The following FOXP1 variants were observed in gnomAD, a reference collection of about 807,000 sequenced individuals.
FOXP1 encodes forkhead box P1.
FOXP1 carries 15 observed loss-of-function variants against 98.2 expected under a neutral mutation model. That is an observed-to-expected ratio of 0.15 (90% CI 0.10 to 0.24). FOXP1 has a LOEUF of 0.24. FOXP1 is among the 10% of genes least tolerant of loss of function. The probability of loss-of-function intolerance (pLI) is 1.00; values close to 1 mark genes in which losing one functional copy is unlikely to be tolerated. For synonymous variants in FOXP1, 371 were observed against 314.5 expected (o/e 1.18, Z -1.90); for missense variants, 633 against 848.5 (o/e 0.75, Z 3.15).
In FOXP1 at chr3:71,213,715, C is replaced by T. The variant is rs1284344836; in HGVS notation, c.-11-15323G>A. 3.3e-5 allele frequency among the ~76,000 whole-genome samples: 5 copies of T among 151,994 alleles called. No individual in the cohort carries two copies. The East Asian group carries it at 5.8e-4, about 18-fold the overall frequency. The stretch of plus-strand genomic sequence containing the variant: ...CCTGTAGTCCCAGCTACTCGGGAGG[C>T]GGAGGCAGGTGAATCGCTTGAACCC... On this transcript the variant is annotated intron_variant, in intron 5 of 20. Transcript: ENST00000649528.
At chr3:71,137,309 C>A (rs1280570442) in intron 6 of FOXP1, among the ~76,000 whole-genome samples, 1 of 152,196 alleles carries the variant, frequency 6.6e-6, no homozygotes, top group Non-Finnish European at 1.5e-5. Context: ...TTCAGCACAT[C>A]CTTGCCAGCC....
At chr3:71,251,550 C>T (rs893190186) in intron 5 of FOXP1, among the ~76,000 whole-genome samples, 6 of 152,086 alleles carry the variant, frequency 3.9e-5, no homozygotes, top group African/African-American at 1.4e-4. Context: ...CATTTGGAAG[C>T]GGGGGTGGTG....
intron 3 of FOXP1, among the ~76,000 whole-genome samples, chr3:71,428,624 A>G (rs902552242): frequency 1.3e-5 from 2 of 152,226 alleles, no homozygotes; most frequent in Non-Finnish European, 2.9e-5. Flanking sequence ...TGTTCTAAAG[A>G]GGCCCCCCTA....
chr3:71,496,646 T>G, intron 2 of FOXP1, among the ~76,000 whole-genome samples: 1 of 151,736 alleles, frequency 6.6e-6, no homozygotes, highest in African/African-American at 2.4e-5. Context: ...ATGGTGAAAA[T>G]CCCTCTCTAC....
rs887642110 is a variant in FOXP1, at chr3:71,345,999, C to T, written c.-73+13151G>A. Among the ~76,000 whole-genome samples the T allele has an allele frequency of 1.1e-4, 17 of 150,644 alleles. 1 individual carries two copies. Among genetic ancestry groups the T allele is most frequent in the African/African-American group, 4.1e-4 (17 of 41,196 alleles). ...AGAGGCTTGGTATTTCAGAGAGAGC[C>T]GAAGAAAAACTAAACTCTCAGACTG... is the stretch of plus-strand genomic sequence containing the variant. On this transcript the variant is annotated intron_variant, in intron 4 of 20. Transcript: ENST00000649528.
intron 4 of FOXP1, among the ~76,000 whole-genome samples, chr3:71,338,493 T>C (rs2076819455): frequency 6.6e-6 from 1 of 152,170 alleles, no homozygotes. Context: ...ACCCAGGCAA[T>C]CTCGGCTCAC....
chr3:70,980,255 T>C (rs1056569377), intron 14 of FOXP1, among the ~76,000 whole-genome samples: 6 of 152,154 alleles, frequency 3.9e-5, no homozygotes, highest in East Asian at 1.9e-4. Flanking sequence ...CCAGGAACAG[T>C]ATGTATAAGC....
chr3:71,180,923 G>A (rs1250600965), intron 6 of FOXP1, among the ~76,000 whole-genome samples: 4 of 152,156 alleles, frequency 2.6e-5, no homozygotes, highest in Non-Finnish European at 5.9e-5. Context: ...TAGGTATGGT[G>A]GAGAAATTCT....
At position 70,956,689 on chromosome 3, in the gene FOXP1, C is replaced by T. The variant is rs2031870666; in HGVS notation, c.*2558G>A. On this transcript the variant is annotated 3_prime_UTR_variant, in exon 21 of 21. Coordinates refer to ENST00000649528, the MANE Select transcript of FOXP1 (RefSeq NM_001349338.3). The stretch of plus-strand genomic sequence containing the variant: ...AAGCACAGGGCCCCCTTCCCATGAC[C>T]CTGTCTGGCTACTGCCTGCACATCA... 4.8e-6 allele frequency: 1 copy of T among 207,656 alleles called. No individual in the cohort carries two copies. The highest frequency in any genetic ancestry group is 2.4e-5 in the African/African-American group (1 of 42,300). 12.9% of individuals were successfully genotyped at this position (207,656 alleles called of 1,614,324 possible).
At chr3:71,416,595 C>T (rs910030934) in intron 3 of FOXP1, among the ~76,000 whole-genome samples, 1 of 135,940 alleles carries the variant, frequency 7.4e-6, no homozygotes, top group African/African-American at 2.8e-5. Context: ...CACACACACG[C>T]AAAAAAAAAT....
chr3:71,077,395 G>A (rs1392392267), intron 7 of FOXP1, among the ~76,000 whole-genome samples: 1 of 152,192 alleles, frequency 6.6e-6, no homozygotes, highest in African/African-American at 2.4e-5. Context: ...TAAGTGGGGA[G>A]TGGGGGAAAG....
chr3:71,434,831 T>C (rs2085084086), intron 3 of FOXP1, among the ~76,000 whole-genome samples: 3 of 152,102 alleles, frequency 2.0e-5, no homozygotes, highest in Admixed American at 2.0e-4. Flanking sequence ...ATTTGTACTA[T>C]ATACACACAT....
intron 4 of FOXP1, chr3:71,306,170 T>A (rs1429738620): frequency 6.6e-6 from 1 of 152,144 alleles, no homozygotes; most frequent in African/African-American, 2.4e-5. Context: ...CTTCTACCTG[T>A]CCTCACTCTG....
chr3:71,390,063 C>G (rs1014576557), intron 3 of FOXP1, among the ~76,000 whole-genome samples: 2 of 152,024 alleles, frequency 1.3e-5, no homozygotes, highest in Admixed American at 1.3e-4. Flanking sequence ...GTGTGCATGG[C>G]GAAGGCATCG....
chr3:71,443,211 T>A (rs2086109195), intron 3 of FOXP1, among the ~76,000 whole-genome samples: 1 of 152,236 alleles, frequency 6.6e-6, no homozygotes. Context: ...TGTTTTTAAC[T>A]GACACACAAT....
chr3:71,231,731 C>G (rs2066304021), intron 5 of FOXP1, among the ~76,000 whole-genome samples: 2 of 152,194 alleles, frequency 1.3e-5, no homozygotes, highest in South Asian at 4.1e-4. Flanking sequence ...AAAAGCCTCC[C>G]TATTTTTCTT....
At chr3:71,376,850 C>G (rs945482282) in intron 3 of FOXP1, among the ~76,000 whole-genome samples, 3 of 151,500 alleles carry the variant, frequency 2.0e-5, no homozygotes, top group Admixed American at 6.6e-5. Flanking sequence ...GAAACTGATG[C>G]GAGAAATTGA....
At chr3:71,271,485 G>GAAAAAAGC (rs751464974) in intron 5 of FOXP1, among the ~76,000 whole-genome samples, 38 of 152,088 alleles carry the variant, frequency 2.5e-4, no homozygotes, top group Admixed American at 7.9e-4. Flanking sequence ...CAGATTTCAG[G>GAAAAAAGC]AAAAAAGCAA....
intron 5 of FOXP1, among the ~76,000 whole-genome samples, chr3:71,227,732 T>TTAA (rs1007084269): frequency 5.0e-5 from 7 of 139,472 alleles, no homozygotes; most frequent in African/African-American, 1.8e-4. Context: ...TCAATGTTTT[T>TTAA]AAAAAAAAAA....
Sources: gnomAD v4.1 joint callset for allele counts (sites outside exome capture counted in the v4.1 genomes callset) on GRCh38, gnomAD v4.1.1 for gene constraint, MANE v1.5 for transcripts, NCBI Gene and HGNC (gene_info 2026-07-23, HGNC 2026-07-21) for gene names.